NCOR1: variants seen among roughly 807,000 people sequenced by gnomAD.
NCOR1 encodes protein phosphatase 1, regulatory subunit 109.
In NCOR1, 63 loss-of-function variants were observed where a neutral mutation model predicts 288.1. The ratio of observed to expected loss-of-function variants is 0.22; its 90% confidence interval spans 0.18 to 0.27. The LOEUF (loss-of-function observed/expected upper bound fraction) is 0.27. Among genes scored for constraint, NCOR1 ranks in the 10% least tolerant of loss-of-function variants. NCOR1 has a pLI of 1.00. For synonymous variants in NCOR1, 1,007 were observed against 1,065.9 expected, an observed-to-expected ratio of 0.94 and a Z score of 1.08; for missense variants, 2,397 against 3,019.2, an observed-to-expected ratio of 0.79 and a Z score of 4.83.
chr17:16,045,383 G>T (rs555944270), intron 42 of NCOR1, among the ~76,000 whole-genome samples: 2 of 152,232 alleles, frequency 1.3e-5, no homozygotes, highest in South Asian at 4.1e-4. Flanking sequence ...GGAGATAATT[G>T]TAATATGTAG....
chr17:16,121,131 G>A lies in NCOR1; in HGVS notation c.1773C>T (p.Asn591=), dbSNP rs761000533. 37 of 1,614,042 alleles carry A rather than the reference G, an allele frequency of 2.3e-5. No individual in the cohort carries two copies. The highest frequency in any genetic ancestry group is 4.4e-5 in the South Asian group (4 of 91,088). The change falls in exon 16 of 46, where the codon AAC becomes AAT. Residue 591 remains asparagine (N), a synonymous_variant. Transcript: ENST00000268712. ...CTGCAGCACTGGCAGCTGCAGCTTC[G>A]TTTGTCATGGACCTGGTGATCCGGC... is the stretch of plus-strand genomic sequence containing the variant. ...RKGRITRSMT[N]EAAAASAAAA... is the part of the protein sequence containing the mutation.
intron 45 of NCOR1, 42 bp from the exon 46 acceptor site, chr17:16,032,525 CTG>C: frequency 6.6e-7 from 1 of 1,520,658 alleles, no homozygotes; most frequent in Non-Finnish European, 8.8e-7. Context: ...ATGAACATAA[CTG>C]GTATTTCATC....
chr17:16,117,970 C>G lies in NCOR1; in HGVS notation c.1973G>C (p.Ser658Thr). 6.2e-7 allele frequency: 1 copy of G among 1,613,982 alleles called. No individual in the cohort carries two copies. Among genetic ancestry groups the G allele is most frequent in the Middle Eastern group, 1.6e-4 (1 of 6,062 alleles). Residue 658 changes from serine (S) to threonine (T), a missense_variant, in exon 18 of 46, where the codon AGT becomes ACT. By Grantham distance (58) the Ser-to-Thr change is moderately conservative. Transcript: ENST00000268712. ...ATAGAAGTTTTTACATTGAGCTTCACTTTTCGTTCCCACCATTTTAGCAAT... is the reference window on the plus strand; with the variant it reads ...ATAGAAGTTTTTACATTGAGCTTCAGTTTTCGTTCCCACCATTTTAGCAAT... Reference protein sequence around the residue: ...AAIAKMVGTKSEAQCKNFYFN... With the variant: ...AAIAKMVGTKTEAQCKNFYFN...
intron 3 of NCOR1, among the ~76,000 whole-genome samples, chr17:16,183,137 GATCCTTTTCC>G: frequency 6.7e-6 from 1 of 148,852 alleles, no homozygotes; most frequent in South Asian, 2.1e-4. Flanking sequence ...GTAAGGATCG[GATCCTTTTCC>G]CATCTAGTAC....
At chr17:16,104,270 G>T (rs1006681863) in intron 19 of NCOR1, among the ~76,000 whole-genome samples, 1 of 151,768 alleles carries the variant, frequency 6.6e-6, no homozygotes, top group Admixed American at 6.6e-5. Context: ...CTAAGTAACC[G>T]TCTGGGAAAA....
intron 11 of NCOR1, among the ~76,000 whole-genome samples, chr17:16,142,011 T>A (rs544287894): frequency 1.3e-5 from 2 of 152,272 alleles, no homozygotes; most frequent in East Asian, 3.9e-4. Context: ...ACATATGAGG[T>A]GCTTATCACA....
At chr17:16,072,009 A>G in intron 29 of NCOR1, 136 bp downstream of exon 29, 1 of 678,708 alleles carries the variant, frequency 1.5e-6, no homozygotes, top group African/African-American at 1.8e-5. Flanking sequence ...TCAGAGGCAG[A>G]AAAGTAATAA....
At chr17:16,161,777 C>A (rs1215201263) in intron 5 of NCOR1, among the ~76,000 whole-genome samples, 4 of 152,072 alleles carry the variant, frequency 2.6e-5, no homozygotes, top group Admixed American at 1.3e-4. Context: ...TCTTTTATAT[C>A]TCTCAATAAA....
intron 44 of NCOR1, 36 bp downstream of exon 44, chr17:16,039,396 GA>G (rs2151979944): frequency 6.3e-7 from 1 of 1,590,498 alleles, no homozygotes; most frequent in Non-Finnish European, 8.6e-7. Context: ...CTTTTTTGGG[GA>G]AAAGCAGCAG....
At chr17:16,189,761 C>A (rs2087700700) in intron 2 of NCOR1, among the ~76,000 whole-genome samples, 1 of 151,666 alleles carries the variant, frequency 6.6e-6, no homozygotes, top group African/African-American at 2.4e-5. Flanking sequence ...ATTAAAAAAA[C>A]AAGAATAAAG....
intron 42 of NCOR1, chr17:16,044,805 A>G: frequency 9.0e-7 from 1 of 1,110,536 alleles, no homozygotes; most frequent in Non-Finnish European, 1.4e-6. Context: ...CTCATCTACA[A>G]TGTAGGGGCT....
intron 3 of NCOR1, among the ~76,000 whole-genome samples, chr17:16,173,122 A>C (rs755147755): frequency 6.6e-6 from 1 of 152,028 alleles, no homozygotes; most frequent in Non-Finnish European, 1.5e-5. Flanking sequence ...AGGTCTTGCT[A>C]TATTGCCTAG....
chr17:16,031,962 T>C lies in NCOR1; in HGVS notation c.*334A>G. On this transcript the variant is annotated 3_prime_UTR_variant, in exon 46 of 46. Coordinates refer to ENST00000268712, the MANE Select transcript of NCOR1 (RefSeq NM_006311.4). ...GGGGATATACACTGCAAAAAGGTCA[T>C]CTATTTACAGAAGAGTGATTTAAAG... 1 of 306,334 alleles carries C rather than the reference T, an allele frequency of 3.3e-6. No individual in the cohort carries two copies. The highest frequency in any genetic ancestry group is 6.0e-6 in the Non-Finnish European group (1 of 166,790). 19.0% of individuals were successfully genotyped at this position (306,334 alleles called of 1,614,324 possible).
chr17:16,185,234 C>T (rs551916269), intron 3 of NCOR1, among the ~76,000 whole-genome samples: 2 of 152,024 alleles, frequency 1.3e-5, no homozygotes, highest in East Asian at 1.9e-4. Flanking sequence ...AGATTTTAGT[C>T]GGTCCAGCCA....
chr17:16,044,205 A>G (rs1334915226), intron 42 of NCOR1, among the ~76,000 whole-genome samples: 2 of 151,352 alleles, frequency 1.3e-5, no homozygotes, highest in Non-Finnish European at 2.9e-5. Flanking sequence ...AAGAAAGGCT[A>G]TCTGTAAGCC....
rs866687355 is a variant in NCOR1, at chr17:16,154,748, G to A, written c.733-1353C>T. 2.6e-5 allele frequency among the ~76,000 whole-genome samples: 4 copies of A among 152,138 alleles called. No homozygotes were observed. In the South Asian group the frequency reaches 6.2e-4, roughly 24 times the overall value. On this transcript the variant is annotated intron_variant, in intron 6 of 45. Coordinates refer to ENST00000268712, the MANE Select transcript of NCOR1 (RefSeq NM_006311.4). ...TATTTGGAGAATCATTAAATGGGACGAAAATATGAAAGATGGGTTAGAAAG... is the reference window on the plus strand; with the variant it reads ...TATTTGGAGAATCATTAAATGGGACAAAAATATGAAAGATGGGTTAGAAAG...
In NCOR1 at chr17:16,117,805, G is replaced by C. The variant is rs2072021238; in HGVS notation, c.2055+83C>G. ...CTGCTGCACTCTAGCCTGGGTGATA[G>C]AGTGAGACTCCATCTCAAACAACAA... On this transcript the variant is annotated intron_variant, in intron 18 of 45. Transcript: ENST00000268712. 18 of 1,439,300 alleles carry C rather than the reference G, an allele frequency of 1.3e-5. No individual in the cohort carries two copies. The South Asian group carries it at 1.8e-4, about 14-fold the overall frequency. The allele number at this position is 1,439,300 out of a possible 1,614,324, so 89.2% of individuals were successfully genotyped here.
chr17:16,030,172 G>T lies in NCOR1; in HGVS notation c.*2124C>A. On this transcript the variant is annotated 3_prime_UTR_variant, in exon 46 of 46. Coordinates refer to ENST00000268712, the MANE Select transcript of NCOR1 (RefSeq NM_006311.4). ...CTAGAGAAGAGAAAATGTTTGTTAA[G>T]ATTATAAGGAAGAGAAAATATATTT... 4.8e-6 allele frequency: 1 copy of T among 206,336 alleles called. No homozygotes were observed. Among genetic ancestry groups the T allele is most frequent in the Non-Finnish European group, 9.7e-6 (1 of 102,716 alleles). 12.8% of individuals were successfully genotyped at this position (206,336 alleles called of 1,614,324 possible). A position where few individuals can be genotyped will look rare whatever the true frequency, so the allele number is the denominator to read the frequency against.
At chr17:16,162,838 A>G (rs1401130734) in intron 5 of NCOR1, among the ~76,000 whole-genome samples, 1 of 152,326 alleles carries the variant, frequency 6.6e-6, no homozygotes, top group East Asian at 1.9e-4. Flanking sequence ...TGGTGAGCAC[A>G]TAAGAAGACA....
Sources: gnomAD v4.1 joint callset for allele counts (sites outside exome capture counted in the v4.1 genomes callset) on GRCh38, gnomAD v4.1.1 for gene constraint, MANE v1.5 for transcripts, NCBI Gene and HGNC (gene_info 2026-07-23, HGNC 2026-07-21) for gene names.